Variants in RARB observed in about 807,000 individuals in gnomAD.
The protein encoded by RARB is HBV-activated protein.
RARB carries 17 observed loss-of-function variants against 51.9 expected under a neutral mutation model. The observed-to-expected ratio is 0.33, with a 90% CI of 0.22 to 0.49. The LOEUF is 0.49. RARB is among the 20% of genes least tolerant of loss of function. RARB has a pLI of 0.99. For synonymous variants in RARB, 215 were observed against 195.4 expected (o/e 1.10, Z -0.84); for missense variants, 369 against 550.8 (o/e 0.67, Z 3.30).
chr3:25,159,418 C>CT (rs900256864), intron 4 of RARB, among the ~76,000 whole-genome samples: 3 of 151,288 alleles, frequency 2.0e-5, no homozygotes, highest in Non-Finnish European at 4.4e-5. Context: ...ATCCACCCCC[C>CT]CCGCTCCCCC....
intron 5 of RARB, among the ~76,000 whole-genome samples, chr3:25,361,116 A>G (rs1705919472): frequency 6.6e-6 from 1 of 152,210 alleles, no homozygotes; most frequent in African/African-American, 2.4e-5. Flanking sequence ...CAGGTACACC[A>G]ATCAAACGTA....
At chr3:25,287,235 G>A (rs1703678525) in intron 5 of RARB, among the ~76,000 whole-genome samples, 1 of 152,152 alleles carries the variant, frequency 6.6e-6, no homozygotes. Context: ...CTTTCCAGCA[G>A]ACACTACTGC....
intron 3 of RARB, among the ~76,000 whole-genome samples, chr3:25,112,814 C>G (rs1008551980): frequency 6.6e-6 from 1 of 152,048 alleles, no homozygotes; most frequent in Non-Finnish European, 1.5e-5. Flanking sequence ...TCCTAACCAT[C>G]TTGTATAGAA....
At chr3:24,851,088 G>A (rs745544397) in intron 1 of RARB, among the ~76,000 whole-genome samples, 3 of 152,050 alleles carry the variant, frequency 2.0e-5, no homozygotes, top group Non-Finnish European at 4.4e-5. Flanking sequence ...AATGACAAAG[G>A]GTAGATCAGA....
chr3:25,407,206 A>G (rs1707433873), intron 5 of RARB, among the ~76,000 whole-genome samples: 2 of 152,290 alleles, frequency 1.3e-5, no homozygotes, highest in South Asian at 4.1e-4. Flanking sequence ...CCTCAACAGA[A>G]CCTAACTTCC....
chr3:25,089,759 T>C (rs1202728497), intron 3 of RARB, among the ~76,000 whole-genome samples: 3 of 152,152 alleles, frequency 2.0e-5, no homozygotes, highest in African/African-American at 7.2e-5. Context: ...TCCTCTTATT[T>C]AAAGGAGTTT....
At chr3:25,543,596 G>C (rs1490268365) in intron 3 of RARB, among the ~76,000 whole-genome samples, 1 of 150,218 alleles carries the variant, frequency 6.7e-6, no homozygotes, top group Non-Finnish European at 1.5e-5. Flanking sequence ...CTGCCCATTG[G>C]CCATCTGTGG....
chr3:24,858,074 C>A (rs541477288), intron 1 of RARB, among the ~76,000 whole-genome samples: 12 of 152,234 alleles, frequency 7.9e-5, no homozygotes, highest in East Asian at 7.7e-4. Context: ...CAATTTAGAA[C>A]CTAAGACTTT....
chr3:25,012,512 T>C (rs113451391), intron 2 of RARB, among the ~76,000 whole-genome samples: 2 of 152,228 alleles, frequency 1.3e-5, no homozygotes, highest in Non-Finnish European at 1.5e-5. Context: ...CTCCTCCTTC[T>C]GGATGTTAGA....
chr3:24,883,124 C>T (rs1191942942), intron 2 of RARB, among the ~76,000 whole-genome samples: 1 of 152,058 alleles, frequency 6.6e-6, no homozygotes, highest in Non-Finnish European at 1.5e-5. Flanking sequence ...CAACTCCAGA[C>T]TTGAAACAAC....
intron 3 of RARB, among the ~76,000 whole-genome samples, chr3:25,087,757 T>C (rs1050599909): frequency 1.6e-4 from 24 of 152,126 alleles, no homozygotes; most frequent in African/African-American, 5.8e-4. Flanking sequence ...AAAGAGAAAG[T>C]GCTTGACAAA....
chr3:24,918,980 A>G (rs1353849024), intron 2 of RARB, among the ~76,000 whole-genome samples: 2 of 152,198 alleles, frequency 1.3e-5, no homozygotes, highest in East Asian at 3.9e-4. Flanking sequence ...TGAATTTGGT[A>G]CAGTATGATT....
At chr3:25,339,126 G>GT (rs1705148006) in intron 5 of RARB, among the ~76,000 whole-genome samples, 1 of 152,154 alleles carries the variant, frequency 6.6e-6, no homozygotes, top group Admixed American at 6.6e-5. Context: ...ATATTAAATT[G>GT]TTTTGAAACA....
intron 3 of RARB, among the ~76,000 whole-genome samples, chr3:25,127,991 T>G (rs1699888781): frequency 6.6e-6 from 1 of 152,104 alleles, no homozygotes; most frequent in Non-Finnish European, 1.5e-5. Flanking sequence ...GGCAAATGCA[T>G]CTGATAGGTT....
intron 2 of RARB, among the ~76,000 whole-genome samples, chr3:24,862,635 A>G (rs187161586): frequency 6.6e-6 from 1 of 152,272 alleles, no homozygotes; most frequent in African/African-American, 2.4e-5. Context: ...AGTCATTTCA[A>G]TTATAGGTTA....
intron 2 of RARB, among the ~76,000 whole-genome samples, chr3:24,913,692 G>A (rs1695049050): frequency 6.6e-6 from 1 of 152,058 alleles, no homozygotes; most frequent in African/African-American, 2.4e-5. Flanking sequence ...ATCTGAGTCT[G>A]TTCAATAGCC....
At chr3:25,360,241 G>A (rs1705887523) in intron 5 of RARB, among the ~76,000 whole-genome samples, 1 of 152,080 alleles carries the variant, frequency 6.6e-6, no homozygotes, top group South Asian at 2.1e-4. Flanking sequence ...GGCCTTCTTT[G>A]TCTCTTTTGA....
At chr3:25,575,191 A>G (rs753609280) in intron 4 of RARB, among the ~76,000 whole-genome samples, 4 of 152,104 alleles carry the variant, frequency 2.6e-5, no homozygotes, top group African/African-American at 4.8e-5. Flanking sequence ...TCATGTTCCT[A>G]TGAGAATGTA....
intron 5 of RARB, among the ~76,000 whole-genome samples, chr3:25,191,561 A>T (rs970672102): frequency 6.6e-6 from 1 of 152,166 alleles, no homozygotes; most frequent in Non-Finnish European, 1.5e-5. Flanking sequence ...CTTCCAAAGC[A>T]CATGGGGAAA....
Sources: gnomAD v4.1 joint callset for allele counts (sites outside exome capture counted in the v4.1 genomes callset) on GRCh38, gnomAD v4.1.1 for gene constraint, MANE v1.5 for transcripts, NCBI Gene and HGNC (gene_info 2026-07-23, HGNC 2026-07-21) for gene names.